The following LRRFIP1 variants were observed in gnomAD, a reference collection of about 807,000 sequenced individuals.
LRRFIP1 encodes the protein leucine-rich repeat flightless-interacting protein 1.
A neutral mutation model predicts 104.4 loss-of-function variants in LRRFIP1; 62 were observed. The ratio of observed to expected loss-of-function variants is 0.59; its 90% CI spans 0.48 to 0.73. LRRFIP1 has a LOEUF of 0.73. Among genes scored for constraint, LRRFIP1 ranks in the 30% least tolerant of loss-of-function variants. The pLI is 0.00. For missense variants in LRRFIP1, 796 were observed against 824.5 expected, an observed-to-expected ratio of 0.97 and a Z score of 0.42; for synonymous variants, 300 against 299.0, an observed-to-expected ratio of 1.00 and a Z score of -0.03.
intron 10 of LRRFIP1, among the ~76,000 whole-genome samples, chr2:237,736,699 G>A (rs2095258905): frequency 6.6e-6 from 1 of 152,222 alleles, no homozygotes; most frequent in Non-Finnish European, 1.5e-5. Flanking sequence ...GCCTGGGAGT[G>A]ATGGCCTTAG....
At chr2:237,752,387 C>G (rs1000056249) in intron 14 of LRRFIP1, among the ~76,000 whole-genome samples, 2 of 152,236 alleles carry the variant, frequency 1.3e-5, no homozygotes, top group African/African-American at 4.8e-5. Context: ...GCCTGGGTGA[C>G]AGAGCGAGAC....
intron 1 of LRRFIP1, among the ~76,000 whole-genome samples, chr2:237,645,563 C>A (rs2084760672): frequency 6.6e-6 from 1 of 151,944 alleles, no homozygotes; most frequent in Non-Finnish European, 1.5e-5. Context: ...GTACTCCGGA[C>A]CCTGACATGG....
intron 1 of LRRFIP1, among the ~76,000 whole-genome samples, chr2:237,636,556 TG>T (rs1219573546): frequency 6.6e-6 from 1 of 152,128 alleles, no homozygotes; most frequent in East Asian, 1.9e-4. Flanking sequence ...TCACTTAATT[TG>T]GGGGTTTTCC....
chr2:237,706,256 C>CT (rs2093801653), intron 1 of LRRFIP1, among the ~76,000 whole-genome samples: 1 of 152,168 alleles, frequency 6.6e-6, no homozygotes, highest in East Asian at 1.9e-4. Context: ...ATTTGGCCGA[C>CT]TGCAGTTGTC....
rs564198129 is a variant in LRRFIP1, at chr2:237,699,595, G to A, written c.97-8949G>A. 2.8e-4 allele frequency among the ~76,000 whole-genome samples: 42 copies of A among 152,182 alleles called. No individual in the cohort carries two copies. The South Asian group carries it at 7.9e-3, about 29-fold the overall frequency. ...TTGAACTCCTGACCTCAGATGATCC[G>A]CCTGCCTCGGCCTCCCAAAGTGCTG... is the stretch of plus-strand genomic sequence containing the variant. On this transcript the variant is annotated intron_variant, in intron 1 of 23. Coordinates refer to ENST00000308482, the MANE Select transcript of LRRFIP1 (RefSeq NM_001137550.2).
Position 237,691,357 on chromosome 2 carries a change from G to T in LRRFIP1, c.97-17187G>T, listed in dbSNP as rs1429209926. Reference sequence around the variant, plus strand: ...GGCTGGAGCCCTCCCGGAGGAGACCGGCGCCTGGCAGGGGGTCGTCGCGGC... The same window carrying T: ...GGCTGGAGCCCTCCCGGAGGAGACCTGCGCCTGGCAGGGGGTCGTCGCGGC... On this transcript the variant is annotated intron_variant, in intron 1 of 23. Transcript: ENST00000308482. The surrounding 1 kb of genome is among the most constrained non-coding windows in gnomAD (Gnocchi z 5.4). Among the ~76,000 whole-genome samples, 1 of 152,124 alleles carries T rather than the reference G, an allele frequency of 6.6e-6. No homozygotes were observed. Among genetic ancestry groups the T allele is most frequent in the Non-Finnish European group, 1.5e-5 (1 of 68,006 alleles).
intron 1 of LRRFIP1, among the ~76,000 whole-genome samples, chr2:237,667,981 C>T (rs570773230): frequency 6.6e-6 from 1 of 152,186 alleles, no homozygotes; most frequent in African/African-American, 2.4e-5. Flanking sequence ...CTTTACAACC[C>T]CTGGATGCCC....
intron 23 of LRRFIP1, among the ~76,000 whole-genome samples, chr2:237,779,162 C>T (rs2061343103): frequency 2.0e-5 from 3 of 151,974 alleles, no homozygotes; most frequent in Admixed American, 1.3e-4. Flanking sequence ...TGCAGTGAGC[C>T]GAGATCACGC....
In LRRFIP1 at chr2:237,781,558, T is replaced by C. The variant is rs191836938; in HGVS notation, c.*2026T>C. Among the ~76,000 whole-genome samples the C allele has an allele frequency of 2.0e-5, 3 of 152,386 alleles. No homozygotes were observed. In the East Asian group the frequency reaches 5.8e-4, roughly 29 times the overall value. On this transcript the variant is annotated 3_prime_UTR_variant, in exon 24 of 24. Coordinates refer to ENST00000308482, the MANE Select transcript of LRRFIP1 (RefSeq NM_001137550.2). ...AATTCTTTTGGAAACAGCAAACCAA[T>C]GTTACACACACTTCCTAATCCAGAG...
intron 23 of LRRFIP1, among the ~76,000 whole-genome samples, chr2:237,776,734 T>C (rs1046551907): frequency 2.6e-5 from 4 of 152,216 alleles, no homozygotes; most frequent in Non-Finnish European, 5.9e-5. Context: ...GGTTAGTGTT[T>C]GTCCACTTCT....
chr2:237,773,003 A>G, intron 22 of LRRFIP1, 58 bp downstream of exon 22: 1 of 1,416,942 alleles, frequency 7.1e-7, no homozygotes, highest in Non-Finnish European at 1.0e-6. Context: ...ACTTGCTAGA[A>G]ATAGCCCTGA....
intron 1 of LRRFIP1, among the ~76,000 whole-genome samples, chr2:237,685,504 T>TG (rs1559541149): frequency 6.6e-6 from 1 of 152,174 alleles, no homozygotes; most frequent in African/African-American, 2.4e-5. Context: ...TGGGTCCTCC[T>TG]GCTCCTTATC....
Position 237,675,581 on chromosome 2 carries a change from A to C in LRRFIP1, c.97-32963A>C, listed in dbSNP as rs571288350. Among the ~76,000 whole-genome samples the C allele has an allele frequency of 2.0e-5, 3 of 152,350 alleles. No homozygotes were observed. In the East Asian group the frequency reaches 5.8e-4, roughly 29 times the overall value. On this transcript the variant is annotated intron_variant, in intron 1 of 23. Coordinates refer to ENST00000308482, the MANE Select transcript of LRRFIP1 (RefSeq NM_001137550.2). ...TGGGTTTAAATGCCTCTAGGAACACAAAACATAAAGGGTTTTCTTTCTGTT... is the reference window on the plus strand; with the variant it reads ...TGGGTTTAAATGCCTCTAGGAACACCAAACATAAAGGGTTTTCTTTCTGTT...
intron 1 of LRRFIP1, among the ~76,000 whole-genome samples, chr2:237,704,048 A>G (rs909845254): frequency 3.3e-5 from 5 of 151,720 alleles, no homozygotes; most frequent in African/African-American, 4.8e-5. Context: ...CTGCACAGTC[A>G]GCGCTCTCCC....
intron 1 of LRRFIP1, among the ~76,000 whole-genome samples, chr2:237,685,415 C>T (rs34757503): frequency 0.033 from 5,040 of 152,220 alleles, 184 homozygotes; most frequent in East Asian, 0.16. Flanking sequence ...TGTAATGTAA[C>T]GCCATGGAAG....
At position 237,751,278 on chromosome 2, in the gene LRRFIP1, A is replaced by G. The variant is rs759517389; in HGVS notation, c.867+7A>G. ...GGGATTGAAAGAGATGAAGGTACCAATTCACAGACGTGTGGTCTCACGATA... is the reference window on the plus strand; with the variant it reads ...GGGATTGAAAGAGATGAAGGTACCAGTTCACAGACGTGTGGTCTCACGATA... On this transcript the variant is annotated splice_region_variant and intron_variant, in intron 14 of 23. Transcript: ENST00000308482. 2.7e-5 allele frequency: 43 copies of G among 1,599,818 alleles called. No homozygotes were observed. In the East Asian group the frequency reaches 8.1e-4, roughly 30 times the overall value.
At chr2:237,737,195 C>T (rs2095277029) in intron 10 of LRRFIP1, among the ~76,000 whole-genome samples, 1 of 152,214 alleles carries the variant, frequency 6.6e-6, no homozygotes, top group Non-Finnish European at 1.5e-5. Flanking sequence ...GTAGTCATCA[C>T]CAGTGGCATT....
At position 237,779,613 on chromosome 2, in the gene LRRFIP1, T is replaced by A. The variant is rs2061372444; in HGVS notation, c.*81T>A. 4.8e-6 allele frequency: 6 copies of A among 1,237,248 alleles called. No homozygotes were observed. In the South Asian group the frequency reaches 6.3e-5, roughly 13 times the overall value. The allele number at this position is 1,237,248 out of a possible 1,614,324, so 76.6% of individuals were successfully genotyped here. A position where few individuals can be genotyped will look rare whatever the true frequency, so the allele number is the denominator to read the frequency against. ...TTTTCTCTGTCCTATCTGGGAGCGC[T>A]GCTTCTTCCCCTGCCTTCCGAGAGA... is the stretch of plus-strand genomic sequence containing the variant. On this transcript the variant is annotated 3_prime_UTR_variant, in exon 24 of 24. Transcript: ENST00000308482.
chr2:237,701,682 T>TG (rs150905748), intron 1 of LRRFIP1, among the ~76,000 whole-genome samples: 6,031 of 152,202 alleles, frequency 0.04, 436 homozygotes, highest in African/African-American at 0.14. Context: ...AGAACAGGCA[T>TG]GGGTTAGACT....
Sources: allele counts gnomAD v4.1 joint callset (sites outside exome capture counted in the v4.1 genomes callset), GRCh38; gene constraint gnomAD v4.1.1; non-coding constraint Gnocchi (gnomAD v3.1); transcripts MANE v1.5; gene names NCBI Gene and HGNC (gene_info 2026-07-23, HGNC 2026-07-21).